Variants in CLSTN2 observed in about 807,000 individuals in gnomAD.
CLSTN2 encodes calsyntenin-2.
Under a neutral mutation model 101.2 loss-of-function variants are expected in CLSTN2, and 48 were observed. The observed-to-expected ratio is 0.47, with a 90% CI of 0.38 to 0.60. CLSTN2 has a LOEUF of 0.60. Among genes scored for constraint, CLSTN2 ranks in the 20% least tolerant of loss-of-function variants. The pLI, the probability that CLSTN2 is intolerant of heterozygous loss-of-function variation, is 0.00. For synonymous variants in CLSTN2, 481 were observed against 463.6 expected (o/e 1.04, Z -0.48); for missense variants, 1,160 against 1,238.2 (o/e 0.94, Z 0.95).
chr3:140,083,915 T>G (rs370388857), intron 1 of CLSTN2, among the ~76,000 whole-genome samples: 1 of 152,214 alleles, frequency 6.6e-6, no homozygotes, highest in Non-Finnish European at 1.5e-5. Flanking sequence ...CAGTAAACTT[T>G]GATCTTCTGC....
intron 5 of CLSTN2, among the ~76,000 whole-genome samples, chr3:140,446,937 C>T (rs553141293): frequency 6.6e-6 from 1 of 152,134 alleles, no homozygotes; most frequent in Admixed American, 6.5e-5. Flanking sequence ...ACTGCTGTAC[C>T]CTTTGTACTC....
At chr3:140,269,052 T>C (rs1347788785) in intron 2 of CLSTN2, among the ~76,000 whole-genome samples, 2 of 152,188 alleles carry the variant, frequency 1.3e-5, no homozygotes. Flanking sequence ...CCATAGTGCC[T>C]CTTGTCTTCT....
At chr3:140,369,635 T>A (rs1173377174) in intron 2 of CLSTN2, among the ~76,000 whole-genome samples, 2 of 152,054 alleles carry the variant, frequency 1.3e-5, no homozygotes, top group African/African-American at 4.8e-5. Context: ...GCCGCATGAG[T>A]TGGAGCTAAA....
chr3:140,256,757 A>G (rs1237005156), intron 2 of CLSTN2, among the ~76,000 whole-genome samples: 1 of 152,224 alleles, frequency 6.6e-6, no homozygotes, highest in Non-Finnish European at 1.5e-5. Flanking sequence ...ATTCGGTTCA[A>G]CAGAAAGACA....
intron 1 of CLSTN2, among the ~76,000 whole-genome samples, chr3:140,140,615 C>G (rs1312849113): frequency 6.6e-6 from 1 of 152,162 alleles, no homozygotes; most frequent in Non-Finnish European, 1.5e-5. Flanking sequence ...ATATCCAAAC[C>G]ATTTCAATTA....
At chr3:140,035,727 T>C (rs934733867) in intron 1 of CLSTN2, among the ~76,000 whole-genome samples, 2 of 152,246 alleles carry the variant, frequency 1.3e-5, no homozygotes, top group Non-Finnish European at 2.9e-5. Flanking sequence ...TTGCCAGTCA[T>C]TTGTTTAAGC....
chr3:140,424,432 C>T (rs1293877563), intron 5 of CLSTN2, among the ~76,000 whole-genome samples: 1 of 152,218 alleles, frequency 6.6e-6, no homozygotes, highest in Non-Finnish European at 1.5e-5. Flanking sequence ...CATGCCTCCA[C>T]TTGGACAACC....
At chr3:140,172,058 T>A (rs2010246010) in intron 1 of CLSTN2, among the ~76,000 whole-genome samples, 1 of 150,730 alleles carries the variant, frequency 6.6e-6, no homozygotes. Flanking sequence ...CATGCCTACC[T>A]CACAGGATGC....
At chr3:140,360,424 A>G (rs567077251) in intron 2 of CLSTN2, among the ~76,000 whole-genome samples, 1 of 152,370 alleles carries the variant, frequency 6.6e-6, no homozygotes, top group African/African-American at 2.4e-5. Context: ...TGTGACAGCA[A>G]GTACCTGGGG....
At chr3:140,192,388 A>G (rs1252055972) in intron 2 of CLSTN2, among the ~76,000 whole-genome samples, 3 of 151,904 alleles carry the variant, frequency 2.0e-5, no homozygotes, top group Non-Finnish European at 4.4e-5. Flanking sequence ...TGAATTATTG[A>G]GGAACGGATG....
chr3:140,062,964 T>C (rs2008232219), intron 1 of CLSTN2, among the ~76,000 whole-genome samples: 1 of 152,206 alleles, frequency 6.6e-6, no homozygotes, highest in African/African-American at 2.4e-5. Flanking sequence ...TATATTGAAG[T>C]AGAGTTATCA....
At chr3:139,994,680 GT>G in intron 1 of CLSTN2, among the ~76,000 whole-genome samples, 1 of 152,118 alleles carries the variant, frequency 6.6e-6, no homozygotes, top group Admixed American at 6.5e-5. Flanking sequence ...CTCTGATCCT[GT>G]TTAATGCTTG....
chr3:140,229,581 C>T (rs1399582736), intron 2 of CLSTN2, among the ~76,000 whole-genome samples: 2 of 151,830 alleles, frequency 1.3e-5, no homozygotes, highest in Non-Finnish European at 2.9e-5. Flanking sequence ...ACTGATGCTC[C>T]TCCTGATTAT....
chr3:140,380,376 C>CA (rs1255940324), intron 2 of CLSTN2, among the ~76,000 whole-genome samples: 1 of 152,188 alleles, frequency 6.6e-6, no homozygotes, highest in Non-Finnish European at 1.5e-5. Context: ...ACTGTCCAGC[C>CA]AGGTATAAAT....
intron 1 of CLSTN2, among the ~76,000 whole-genome samples, chr3:139,951,362 T>A (rs1043187449): frequency 1.3e-5 from 2 of 152,202 alleles, no homozygotes; most frequent in Admixed American, 1.3e-4. Context: ...GGTGGTCAAC[T>A]GAAAGAGGCC....
intron 2 of CLSTN2, among the ~76,000 whole-genome samples, chr3:140,209,274 T>C (rs1034807590): frequency 2.6e-4 from 40 of 152,046 alleles, no homozygotes; most frequent in Non-Finnish European, 5.3e-4. Flanking sequence ...GAGAGCTCAG[T>C]ATTTGGGTAG....
At chr3:140,074,042 T>C (rs975721987) in intron 1 of CLSTN2, among the ~76,000 whole-genome samples, 2 of 152,254 alleles carry the variant, frequency 1.3e-5, no homozygotes, top group Admixed American at 6.5e-5. Flanking sequence ...GTTTTCAGCC[T>C]GGCTACCCTC....
intron 9 of CLSTN2, among the ~76,000 whole-genome samples, chr3:140,539,732 T>C (rs1053713541): frequency 1.6e-4 from 24 of 152,176 alleles, no homozygotes; most frequent in Admixed American, 8.5e-4. Flanking sequence ...ACCTGATGCA[T>C]AGGCATAAGT....
chr3:140,469,433 T>C (rs1194134666), intron 8 of CLSTN2, among the ~76,000 whole-genome samples: 1 of 152,138 alleles, frequency 6.6e-6, no homozygotes, highest in Non-Finnish European at 1.5e-5. Context: ...TCTTTCTCCT[T>C]ACTCAGCTCC....
Sources: gnomAD v4.1 joint callset for allele counts (sites outside exome capture counted in the v4.1 genomes callset) on GRCh38, gnomAD v4.1.1 for gene constraint, MANE v1.5 for transcripts, NCBI Gene and HGNC (gene_info 2026-07-23, HGNC 2026-07-21) for gene names.